The following PPP4R3A variants were observed in gnomAD, a reference collection of about 807,000 sequenced individuals.
PPP4R3A encodes serine/threonine-protein phosphatase 4 regulatory subunit 3A.
A neutral mutation model predicts 91.7 loss-of-function variants in PPP4R3A; 15 were observed. The observed-to-expected ratio is 0.16, with a 90% CI of 0.11 to 0.25. The LOEUF (loss-of-function observed/expected upper bound fraction) is 0.25, where lower values mean the gene tolerates loss of function less well. Ranked by LOEUF, PPP4R3A falls within the 10% of genes least tolerant of loss-of-function variation. The pLI is 1.00. For synonymous variants in PPP4R3A, 377 were observed against 348.7 expected, an observed-to-expected ratio of 1.08 and a Z score of -0.91; for missense variants, 623 against 998.4, an observed-to-expected ratio of 0.62 and a Z score of 5.07.
chr14:91,504,799 T>C (rs1891184815), intron 1 of PPP4R3A, among the ~76,000 whole-genome samples: 2 of 152,254 alleles, frequency 1.3e-5, no homozygotes, highest in African/African-American at 2.4e-5. Context: ...GTACTTACCA[T>C]GACAGATCTG....
intron 6 of PPP4R3A, 133 bp downstream of exon 6, chr14:91,476,275 A>C (rs1889200236): frequency 1.3e-6 from 1 of 770,122 alleles, no homozygotes; most frequent in Non-Finnish European, 2.1e-6. Flanking sequence ...GGAATTTTAC[A>C]GCTTCTTTAA....
intron 3 of PPP4R3A, among the ~76,000 whole-genome samples, chr14:91,485,019 C>A (rs1374396335): frequency 6.6e-6 from 1 of 152,164 alleles, no homozygotes; most frequent in Non-Finnish European, 1.5e-5. Flanking sequence ...AAGACAAGTA[C>A]AAGGGTGGGT....
chr14:91,482,306 T>G (rs907389988), intron 3 of PPP4R3A, 113 bp from the exon 4 acceptor site: 18 of 1,169,010 alleles, frequency 1.5e-5, no homozygotes, highest in African/African-American at 4.7e-5. Flanking sequence ...ATGGTCATTT[T>G]CAAGACAAAA....
At chr14:91,481,089 T>C (rs941597298) in intron 4 of PPP4R3A, among the ~76,000 whole-genome samples, 3 of 151,428 alleles carry the variant, frequency 2.0e-5, no homozygotes, top group Non-Finnish European at 2.9e-5. Flanking sequence ...TCCCAGCACT[T>C]TGGGAGGCCA....
Position 91,481,662 on chromosome 14 carries a change from T to C in PPP4R3A, c.829A>G (p.Thr277Ala), listed in dbSNP as rs1470565172. 5 of 1,611,242 alleles carry C rather than the reference T, an allele frequency of 3.1e-6. No individual in the cohort carries two copies. The highest frequency in any genetic ancestry group is 1.3e-5 in the African/African-American group (1 of 74,856). The change falls in exon 4 of 15, where the codon ACT becomes GCT. Residue 277 changes from threonine to alanine, a missense_variant. Thr to Ala is a moderately conservative substitution (Grantham distance 58). Coordinates refer to ENST00000554943, the MANE Select transcript of PPP4R3A (RefSeq NM_001366432.2). ...VQYIQDMVLP[T>A]PSVFEENMLS... The stretch of plus-strand genomic sequence containing the variant: ...ATGTTTTCTTCAAAGACCGAAGGAG[T>C]TGGTAGAACCATATCTTGTATATAC...
At chr14:91,476,322 A>G (rs1889203231) in intron 6 of PPP4R3A, 86 bp downstream of exon 6, 1 of 1,003,950 alleles carries the variant, frequency 1.0e-6, no homozygotes, top group Non-Finnish European at 1.5e-6. Context: ...AATATTGGCT[A>G]TAATAGAATA....
chr14:91,467,801 A>T lies in PPP4R3A; in HGVS notation c.1661-2382T>A, dbSNP rs961832560. Among the ~76,000 whole-genome samples the T allele has an allele frequency of 2.6e-5, 4 of 152,216 alleles. No homozygotes were observed. The South Asian group carries it at 8.3e-4, about 31-fold the overall frequency. ...TAATTAAGCAGCAGCAAATATAAAA[A>T]AATTAAAAGCTCCCTAAATCCCCAA... On this transcript the variant is annotated intron_variant, in intron 10 of 14. Coordinates refer to ENST00000554943, the MANE Select transcript of PPP4R3A (RefSeq NM_001366432.2).
At chr14:91,506,197 T>C (rs529619313) in intron 1 of PPP4R3A, among the ~76,000 whole-genome samples, 82 of 152,342 alleles carry the variant, frequency 5.4e-4, no homozygotes, top group African/African-American at 1.9e-3. Context: ...TCTGCCCGCC[T>C]TGGCCTCCCT....
intron 4 of PPP4R3A, among the ~76,000 whole-genome samples, chr14:91,479,261 C>A (rs1241508306): frequency 6.6e-6 from 1 of 151,450 alleles, no homozygotes; most frequent in South Asian, 2.1e-4. Context: ...ATTATTCTTA[C>A]AATACCACAG....
chr14:91,485,195 A>G (rs12886821), intron 3 of PPP4R3A, among the ~76,000 whole-genome samples: 3 of 152,232 alleles, frequency 2.0e-5, no homozygotes, highest in Admixed American at 6.5e-5. Context: ...GAAAACTACA[A>G]AAGTAAAAAT....
chr14:91,490,489 T>A lies in PPP4R3A; in HGVS notation c.198+258A>T, dbSNP rs561851171. ...CACATCAATGGTCACCTTTTTTTTT[T>A]AGGTAAAAACAAGGAAATTTTAGGG... On this transcript the variant is annotated intron_variant, in intron 2 of 14. Transcript: ENST00000554943. Among the ~76,000 whole-genome samples, 33 of 152,202 alleles carry A rather than the reference T, an allele frequency of 2.2e-4. 1 individual carries two copies. Among genetic ancestry groups the A allele is most frequent in the African/African-American group, 7.9e-4 (33 of 41,512 alleles).
rs1891644135 is a variant in PPP4R3A, at chr14:91,509,527, G to A, written c.121C>T (p.Leu41Phe). The A allele has an allele frequency of 1.3e-6, 2 of 1,596,520 alleles. No individual in the cohort carries two copies. Among genetic ancestry groups the A allele is most frequent in the Non-Finnish European group, 1.7e-6 (2 of 1,176,642 alleles). Residue 41 changes from leucine (L) to phenylalanine (F), a missense_variant, in exon 1 of 15, where the codon CTT (leucine) becomes TTT (phenylalanine). Leu to Phe is a conservative substitution (Grantham distance 22, BLOSUM62 0). This residue lies in a region of PPP4R3A where 51 missense variants were observed against 81.8 expected (regional missense o/e 0.62). Coordinates refer to ENST00000554943, the MANE Select transcript of PPP4R3A (RefSeq NM_001366432.2). ...TTACCGTCGCTCTCAGCCCTGACAA[G>A]CAGGGACATGCCCTTCAGCCGCTCC... ...YVERLKGMSL[L>F]VRAESDGSLL...
rs774507308 is a variant in PPP4R3A, at chr14:91,473,106, G to A, written c.1428C>T (p.Phe476=). The part of the protein sequence containing the change: ...NKTEKTEFLG[F]FYKHCMHVLT... ...GAACATGCATACAGTGCTTGTAGAA[G>A]AAACCCAGAAATTCAGTCTTTTCTG... The change falls in exon 9 of 15, where the codon TTC becomes TTT. Residue 476 remains phenylalanine, a synonymous_variant. Transcript: ENST00000554943. The A allele has an allele frequency of 2.5e-6, 4 of 1,614,136 alleles. No homozygotes were observed. Among genetic ancestry groups the A allele is most frequent in the Admixed American group, 3.3e-5 (2 of 60,000 alleles).
Position 91,475,959 on chromosome 14 carries a change from T to C in PPP4R3A, c.1118A>G (p.Asp373Gly), listed in dbSNP as rs753263157. 4 of 1,559,374 alleles carry C rather than the reference T, an allele frequency of 2.6e-6. No homozygotes were observed. The highest frequency in any genetic ancestry group is 3.4e-6 in the Non-Finnish European group (4 of 1,162,412). ...AGCAGCACTTCGCACCTGTGTATCA[T>C]CCATGCCCTGCAGACAAAAAACATT... is the stretch of plus-strand genomic sequence containing the variant. ...LPALEVILGM[D>G]DTQVRSAATD... Residue 373 changes from aspartate to glycine, a missense_variant, in exon 7 of 15, where the codon GAT (aspartate) becomes GGT (glycine). Asp to Gly is a moderately conservative substitution (Grantham distance 94, BLOSUM62 -1). Around this residue, in one of 5 missense-constraint regions of PPP4R3A, gnomAD observed 264 missense variants for 377.3 expected, o/e 0.70. Coordinates refer to ENST00000554943, the MANE Select transcript of PPP4R3A (RefSeq NM_001366432.2).
intron 5 of PPP4R3A, 145 bp downstream of exon 5, chr14:91,476,764 G>A (rs1183733020): frequency 1.4e-5 from 10 of 701,328 alleles, no homozygotes; most frequent in East Asian, 2.8e-5. Flanking sequence ...ATGGGGTTTC[G>A]CCATGTTCGC....
At chr14:91,462,967 A>T in intron 11 of PPP4R3A, 90 bp from the exon 12 acceptor site, 1 of 1,017,134 alleles carries the variant, frequency 9.8e-7, no homozygotes, top group South Asian at 1.5e-5. Context: ...CCCACCAAAA[A>T]TAGCTTAATT....
In PPP4R3A at chr14:91,476,435, G is replaced by A. The variant is rs752005342; in HGVS notation, c.1083C>T (p.Gly361=). The change falls in exon 6 of 15, where the codon GGC becomes GGT. Residue 361 remains glycine (G), a synonymous_variant. Transcript: ENST00000554943. ...DAFFKTLSNM[G]ILPALEVILG... is the part of the protein sequence containing the mutation. Reference sequence around the variant, plus strand: ...GGATGACTTCTAAAGCTGGTAATATGCCCATGTTTGACAAAGTCTTGAAAA... The same window carrying A: ...GGATGACTTCTAAAGCTGGTAATATACCCATGTTTGACAAAGTCTTGAAAA... The A allele has an allele frequency of 6.2e-7, 1 of 1,611,584 alleles. No homozygotes were observed. Among genetic ancestry groups the A allele is most frequent in the Non-Finnish European group, 8.5e-7 (1 of 1,179,090 alleles).
At chr14:91,485,777 A>C (rs777926481) in intron 2 of PPP4R3A, 47 bp from the exon 3 acceptor site, 1 of 1,283,938 alleles carries the variant, frequency 7.8e-7, no homozygotes, top group Non-Finnish European at 1.1e-6. Flanking sequence ...ACACTATCAC[A>C]AACGAAAATG....
intron 2 of PPP4R3A, among the ~76,000 whole-genome samples, chr14:91,486,645 C>T (rs61990498): frequency 0.17 from 26,127 of 151,892 alleles, 2,800 homozygotes; most frequent in Non-Finnish European, 0.25. Context: ...TTTGGCTGGG[C>T]GTGGTGGCTC....
Sources: gnomAD v4.1 joint callset for allele counts (sites outside exome capture counted in the v4.1 genomes callset) on GRCh38, gnomAD v4.1.1 for gene constraint, gnomAD v4.1.1 regional missense constraint, MANE v1.5 for transcripts, NCBI Gene and HGNC (gene_info 2026-07-23, HGNC 2026-07-21) for gene names.